The following ABAT variants were observed in gnomAD, a reference collection of about 807,000 sequenced individuals.
ABAT encodes 4-aminobutyrate aminotransferase.
In ABAT, 45 loss-of-function variants were observed where a neutral mutation model predicts 64.6. That is an observed-to-expected ratio of 0.70 (90% CI 0.55 to 0.89). The LOEUF is 0.89. Ranked by LOEUF, ABAT falls within the 40% of genes least tolerant of loss-of-function variation. The pLI is 0.00. For missense variants in ABAT, 633 were observed against 658.4 expected (o/e 0.96, Z 0.42); for synonymous variants, 297 against 250.5 (o/e 1.19, Z -1.75).
Position 8,764,851 on chromosome 16 carries a change from A to C in ABAT, c.540+21A>C. 1 of 1,584,844 alleles carries C rather than the reference A, an allele frequency of 6.3e-7. No individual in the cohort carries two copies. The highest frequency in any genetic ancestry group is 1.1e-5 in the South Asian group (1 of 90,374). On this transcript the variant is annotated intron_variant, in intron 8 of 15. Coordinates refer to ENST00000268251, the MANE Select transcript of ABAT (RefSeq NM_020686.6). This position sits in a 1 kb window ranked among gnomAD's most constrained non-coding sequence, Gnocchi z 4.2. ...ACCGGGTGAGGTTTGGGGCACACAC[A>C]CACACACACACACAGGCTCCCCAGC...
intron 6 of ABAT, among the ~76,000 whole-genome samples, chr16:8,761,976 C>A (rs1001187725): frequency 1.1e-4 from 15 of 132,176 alleles, no homozygotes; most frequent in African/African-American, 3.7e-4. Context: ...CTTCCTTCTT[C>A]TTCCTTCTCC....
At chr16:8,748,194 AAGAC>A in intron 4 of ABAT, 57 bp downstream of exon 4, 2 of 1,496,616 alleles carry the variant, frequency 1.3e-6, no homozygotes, top group Middle Eastern at 1.7e-4. Context: ...ATTGAGCTAA[AAGAC>A]AGATGCTTAA....
intron 1 of ABAT, among the ~76,000 whole-genome samples, chr16:8,675,294 G>C: frequency 6.6e-6 from 1 of 152,116 alleles, no homozygotes; most frequent in South Asian, 2.1e-4. Flanking sequence ...CTCCCTACCC[G>C]TCAGAGAGGC....
chr16:8,768,046 C>A (rs2059995941), intron 9 of ABAT, 147 bp from the exon 10 acceptor site: 3 of 802,496 alleles, frequency 3.7e-6, no homozygotes, highest in Admixed American at 4.0e-5. Flanking sequence ...TGGATATAGA[C>A]CCCATTGGTC....
intron 1 of ABAT, among the ~76,000 whole-genome samples, chr16:8,699,218 G>A (rs2057766701): frequency 6.6e-6 from 1 of 152,216 alleles, no homozygotes; most frequent in South Asian, 2.1e-4. Flanking sequence ...CTAGGTCACA[G>A]AGGGAAGAGA....
Position 8,712,142 on chromosome 16 carries a change from A to T in ABAT, c.-41-23557A>T, listed in dbSNP as rs138740041. ...GCTACTTGGGAGGCTGAGGCAGGAGAATCACTTGAACCCGGGAGGCTGAGG... is the reference window on the plus strand; with the variant it reads ...GCTACTTGGGAGGCTGAGGCAGGAGTATCACTTGAACCCGGGAGGCTGAGG... On this transcript the variant is annotated intron_variant, in intron 1 of 15. Coordinates refer to ENST00000268251, the MANE Select transcript of ABAT (RefSeq NM_020686.6). Among the ~76,000 whole-genome samples, 312 of 152,132 alleles carry T rather than the reference A, an allele frequency of 2.1e-3. 3 individuals carry two copies. Among genetic ancestry groups the T allele is most frequent in the Non-Finnish European group, 3.7e-3 (253 of 68,004 alleles).
intron 1 of ABAT, among the ~76,000 whole-genome samples, chr16:8,695,048 G>A (rs2057671454): frequency 6.6e-6 from 1 of 152,240 alleles, no homozygotes; most frequent in Non-Finnish European, 1.5e-5. Context: ...GAGAGGTGAT[G>A]ACCCTTTAGT....
intron 5 of ABAT, among the ~76,000 whole-genome samples, chr16:8,756,160 C>G (rs1174095350): frequency 6.6e-6 from 1 of 152,102 alleles, no homozygotes; most frequent in Non-Finnish European, 1.5e-5. Context: ...GCAGAGGTCA[C>G]AACGAGCCAC....
chr16:8,677,248 AATC>A (rs1303876552), intron 1 of ABAT, among the ~76,000 whole-genome samples: 2 of 152,220 alleles, frequency 1.3e-5, no homozygotes, highest in African/African-American at 4.8e-5. Context: ...TAAAACCTCT[AATC>A]ATGAAGTGGG....
In ABAT at chr16:8,776,854, G is replaced by A. The variant is rs1428938724; in HGVS notation, c.1269+364G>A. Among the ~76,000 whole-genome samples the A allele has an allele frequency of 1.3e-5, 2 of 150,658 alleles. No individual in the cohort carries two copies. The highest frequency in any genetic ancestry group is 2.1e-4 in the South Asian group (1 of 4,720). On this transcript the variant is annotated intron_variant, in intron 14 of 15. Coordinates refer to ENST00000268251, the MANE Select transcript of ABAT (RefSeq NM_020686.6). This position sits in a 1 kb window ranked among gnomAD's most constrained non-coding sequence, Gnocchi z 4.4. Reference sequence around the variant, plus strand: ...TCAGCCTCCCAAAGTGCTGGGCAGCGCCTGCCGGCACTGGTTATCTTTCTT... The same window carrying A: ...TCAGCCTCCCAAAGTGCTGGGCAGCACCTGCCGGCACTGGTTATCTTTCTT...
At chr16:8,683,859 G>C (rs1398552009) in intron 1 of ABAT, among the ~76,000 whole-genome samples, 1 of 94,804 alleles carries the variant, frequency 1.1e-5, no homozygotes, top group South Asian at 3.5e-4. Flanking sequence ...TAGCCATCTG[G>C]CATTCATTCG....
At chr16:8,727,500 C>A (rs1344751427) in intron 1 of ABAT, among the ~76,000 whole-genome samples, 4 of 152,266 alleles carry the variant, frequency 2.6e-5, no homozygotes, top group Middle Eastern at 6.8e-3. Context: ...GTCACCCCAG[C>A]CAGAAAGAAT....
chr16:8,709,061 G>A (rs1341442444), intron 1 of ABAT, among the ~76,000 whole-genome samples: 1 of 152,034 alleles, frequency 6.6e-6, no homozygotes, highest in Non-Finnish European at 1.5e-5. Context: ...TTGAAGACTT[G>A]CTATGCCAAA....
intron 2 of ABAT, among the ~76,000 whole-genome samples, chr16:8,743,246 A>C (rs1302283423): frequency 1.3e-5 from 2 of 151,166 alleles, no homozygotes; most frequent in African/African-American, 4.9e-5. Flanking sequence ...ATGGAAAATT[A>C]AGAGTGATTT....
Position 8,774,868 on chromosome 16 carries a change from C to T in ABAT, c.955-22C>T, listed in dbSNP as rs748442922. Reference sequence around the variant, plus strand: ...GCCTCCCACGGGTGTTTATTTCTCCCTCCTCTCTCTTCTCCGGCCAGCATG... The same window carrying T: ...GCCTCCCACGGGTGTTTATTTCTCCTTCCTCTCTCTTCTCCGGCCAGCATG... On this transcript the variant is annotated intron_variant, in intron 12 of 15. Transcript: ENST00000268251. The T allele has an allele frequency of 5.6e-6, 9 of 1,612,864 alleles. No individual in the cohort carries two copies. In the East Asian group the frequency reaches 8.9e-5, roughly 16 times the overall value.
chr16:8,749,386 C>CTTTTTTTTTTTT lies in ABAT; in HGVS notation c.199-1017_199-1006dup, dbSNP rs1160144275. ...ACAGGCGTGAGCCACCGCACCCGGC[C>CTTTTTTTTTTTT]TTTTTTTTTTTTTTTTTTTTTTTTT... is the stretch of plus-strand genomic sequence containing the variant. On this transcript the variant is annotated intron_variant, in intron 4 of 15. Coordinates refer to ENST00000268251, the MANE Select transcript of ABAT (RefSeq NM_020686.6). Among the ~76,000 whole-genome samples, 10 of 32,018 alleles carry CTTTTTTTTTTTT rather than the reference C, an allele frequency of 3.1e-4. 1 individual carries two copies. The highest frequency in any genetic ancestry group is 3.9e-4 in the Non-Finnish European group (7 of 18,082). 21.0% of individuals were successfully genotyped at this position (32,018 alleles called of 152,430 possible).
chr16:8,774,572 A>G (rs1253874162), intron 12 of ABAT, among the ~76,000 whole-genome samples: 1 of 152,122 alleles, frequency 6.6e-6, no homozygotes, highest in African/African-American at 2.4e-5. Context: ...CCCTCTGACG[A>G]GGTCGAGACC....
At chr16:8,718,412 G>A (rs187146191) in intron 1 of ABAT, among the ~76,000 whole-genome samples, 4 of 152,282 alleles carry the variant, frequency 2.6e-5, no homozygotes, top group African/African-American at 9.6e-5. Flanking sequence ...TAGGGGAATG[G>A]CAATGAAAAA....
Position 8,766,229 on chromosome 16 carries a change from G to C in ABAT, c.562G>C (p.Gly188Arg). The part of the protein sequence containing the change: ...WYRSKERGQR[G>R]FSQEELETCM... ...TCAGAGCAAGGAAAGAGGGCAGAGG[G>C]GCTTCTCCCAGGAGGAGCTGGAGAC... The change falls in exon 9 of 16, where the codon GGC (glycine) becomes CGC (arginine). Residue 188 changes from glycine (G) to arginine (R), a missense_variant. By Grantham distance (125) the Gly-to-Arg change is moderately radical. Transcript: ENST00000268251. 6.2e-7 allele frequency: 1 copy of C among 1,614,124 alleles called. No homozygotes were observed. Among genetic ancestry groups the C allele is most frequent in the South Asian group, 1.1e-5 (1 of 91,086 alleles).
Sources: gnomAD v4.1 joint callset for allele counts (sites outside exome capture counted in the v4.1 genomes callset) on GRCh38, gnomAD v4.1.1 for gene constraint, Gnocchi (gnomAD v3.1) non-coding constraint, MANE v1.5 for transcripts, NCBI Gene and HGNC (gene_info 2026-07-23, HGNC 2026-07-21) for gene names.